Variants in GPER1 observed in about 807,000 individuals in gnomAD.
GPER1 encodes G protein-coupled receptor 30.
A neutral mutation model predicts 0.6 loss-of-function variants in GPER1; 2 were observed. The observed-to-expected ratio is 3.41, with a 90% confidence interval of 1.39 to 10.72. The LOEUF is 10.72. GPER1 is among the 30% of genes most tolerant of loss of function. The pLI is 0.04. For synonymous variants in GPER1, 263 were observed against 247.6 expected (o/e 1.06, Z -0.58); for missense variants, 441 against 535.2 (o/e 0.82, Z 1.74).
In GPER1 at chr7:1,091,748, C is replaced by A. The variant is rs1185069759; in HGVS notation, c.20C>A (p.Ala7Asp). The A allele has an allele frequency of 6.5e-7, 1 of 1,534,712 alleles. No homozygotes were observed. Among genetic ancestry groups the A allele is most frequent in the South Asian group, 1.3e-5 (1 of 78,190 alleles). The change falls in exon 2 of 2, where the codon GCC becomes GAC. Residue 7 changes from alanine (A) to aspartate (D), a missense_variant. Ala to Asp is a moderately radical substitution (Grantham distance 126, BLOSUM62 -2). Coordinates refer to ENST00000397088, the MANE Select transcript of GPER1 (RefSeq NM_001098201.3). ...AGAGACATGGATGTGACTTCCCAAG[C>A]CCGGGGCGTGGGCCTGGAGATGTAC... MDVTSQARGVGLEMYPG... is the reference protein window; with the variant it reads MDVTSQDRGVGLEMYPG...
At chr7:1,089,775 T>C (rs60066142) in intron 1 of GPER1, among the ~76,000 whole-genome samples, 5,595 of 150,658 alleles carry the variant, frequency 0.037, 368 homozygotes, top group African/African-American at 0.13. Flanking sequence ...AGTCTGGTTT[T>C]GCAGCACTTC....
At position 1,092,211 on chromosome 7, in the gene GPER1, G is replaced by T; in HGVS notation, c.483G>T (p.Arg161Ser). The change falls in exon 2 of 2, where the codon AGG (arginine) becomes AGT (serine). Residue 161 changes from arginine to serine, a missense_variant. Arg to Ser is a moderately radical substitution (Grantham distance 110). Transcript: ENST00000397088. Reference sequence around the variant, plus strand: ...TCGACCGCTACATCGCCCTGGCCAGGGCCATGCGCTGCAGCCTGTTCCGCA... The same window carrying T: ...TCGACCGCTACATCGCCCTGGCCAGTGCCATGCGCTGCAGCCTGTTCCGCA... ...MSFDRYIALA[R>S]AMRCSLFRTK... The T allele has an allele frequency of 6.2e-7, 1 of 1,612,994 alleles. No homozygotes were observed. Among genetic ancestry groups the T allele is most frequent in the Non-Finnish European group, 8.5e-7 (1 of 1,180,038 alleles).
rs1788040196 is a variant in GPER1, at chr7:1,092,027, A to G, written c.299A>G (p.Asn100Ser). Reference sequence around the variant, plus strand: ...ACCATCCCCGACCTGTACTTCATCAACCTGGCGGTGGCGGACCTCATCCTG... The same window carrying G: ...ACCATCCCCGACCTGTACTTCATCAGCCTGGCGGTGGCGGACCTCATCCTG... ...KMTIPDLYFINLAVADLILVA... is the reference protein window; with the variant it reads ...KMTIPDLYFISLAVADLILVA... The change falls in exon 2 of 2, where the codon AAC becomes AGC. Residue 100 changes from asparagine to serine, a missense_variant. Asn to Ser is a conservative substitution (Grantham distance 46, BLOSUM62 1). Coordinates refer to ENST00000397088, the MANE Select transcript of GPER1 (RefSeq NM_001098201.3). 15 of 1,613,838 alleles carry G rather than the reference A, an allele frequency of 9.3e-6. No individual in the cohort carries two copies. Among genetic ancestry groups the G allele is most frequent in the African/African-American group, 4.0e-5 (3 of 74,910 alleles).
rs747021854 is a variant in GPER1, at chr7:1,092,130, G to T, written c.402G>T (p.Ser134=). 1.9e-6 allele frequency: 3 copies of T among 1,613,576 alleles called. No individual in the cohort carries two copies. Among genetic ancestry groups the T allele is most frequent in the Non-Finnish European group, 2.5e-6 (3 of 1,180,036 alleles). ...YDIAVLCTFM[S]LFLQVNMYSS... is the part of the protein sequence containing the mutation. ...TCGCCGTCCTGTGCACCTTCATGTCGCTCTTCCTGCAGGTCAACATGTACA... is the reference window on the plus strand; with the variant it reads ...TCGCCGTCCTGTGCACCTTCATGTCTCTCTTCCTGCAGGTCAACATGTACA... The change falls in exon 2 of 2, where the codon TCG becomes TCT. Residue 134 remains serine (S), a synonymous_variant. Transcript: ENST00000397088.
In GPER1 at chr7:1,093,139, C is replaced by T. The variant is rs982195204; in HGVS notation, c.*283C>T. On this transcript the variant is annotated 3_prime_UTR_variant, in exon 2 of 2. Transcript: ENST00000397088. ...TGACCAGCCTGTCACCCAGCTCCTCCCCGCCAACCCTGCCTGCCGCTGCAC... is the reference window on the plus strand; with the variant it reads ...TGACCAGCCTGTCACCCAGCTCCTCTCCGCCAACCCTGCCTGCCGCTGCAC... 10 of 623,424 alleles carry T rather than the reference C, an allele frequency of 1.6e-5. No individual in the cohort carries two copies. Among genetic ancestry groups the T allele is most frequent in the South Asian group, 1.4e-4 (9 of 65,958 alleles). 38.6% of individuals were successfully genotyped at this position (623,424 alleles called of 1,614,324 possible). A position where few individuals can be genotyped will look rare whatever the true frequency, so the allele number is the denominator to read the frequency against.
chr7:1,089,886 A>C (rs929699562), intron 1 of GPER1, among the ~76,000 whole-genome samples: 6 of 151,774 alleles, frequency 4.0e-5, no homozygotes, highest in African/African-American at 1.5e-4. Context: ...AGTTCGATAC[A>C]AGCCTGGGCA....
rs1787627374 is a variant in GPER1 at position 1,088,586 on chromosome 7, C to T, written c.-323+265C>T. Among the ~76,000 whole-genome samples the T allele has an allele frequency of 6.6e-6, 1 of 152,200 alleles. No homozygotes were observed. Among genetic ancestry groups the T allele is most frequent in the African/African-American group, 2.4e-5 (1 of 41,452 alleles). ...CTGAAAGCAGGACCCAGTATTCCGTCACGTTCTGTCCCAGCAAGAACGTGT... is the reference window on the plus strand; with the variant it reads ...CTGAAAGCAGGACCCAGTATTCCGTTACGTTCTGTCCCAGCAAGAACGTGT... On this transcript the variant is annotated intron_variant, in intron 1 of 1. Coordinates refer to ENST00000397088, the MANE Select transcript of GPER1 (RefSeq NM_001098201.3). This position sits in a 1 kb window ranked among gnomAD's most constrained non-coding sequence, Gnocchi z 4.5.
At position 1,091,472 on chromosome 7, in the gene GPER1, G is replaced by A. The variant is rs1045646466; in HGVS notation, c.-257G>A. On this transcript the variant is annotated 5_prime_UTR_variant, in exon 2 of 2. Coordinates refer to ENST00000397088, the MANE Select transcript of GPER1 (RefSeq NM_001098201.3). Reference sequence around the variant, plus strand: ...GTGGCCGACACCCGCAGGGACGCCCGCCGGACGAGCACGCGGAGGGCCCTC... The same window carrying A: ...GTGGCCGACACCCGCAGGGACGCCCACCGGACGAGCACGCGGAGGGCCCTC... 2.2e-4 allele frequency: 102 copies of A among 461,098 alleles called. 1 individual carries two copies. Among genetic ancestry groups the A allele is most frequent in the Non-Finnish European group, 3.4e-4 (89 of 260,612 alleles). 28.6% of individuals were successfully genotyped at this position (461,098 alleles called of 1,614,324 possible).
intron 1 of GPER1, among the ~76,000 whole-genome samples, chr7:1,090,460 G>A (rs1473386564): frequency 1.3e-5 from 2 of 151,656 alleles, no homozygotes; most frequent in African/African-American, 4.9e-5. Context: ...TCGCAGCAGG[G>A]CCAGGGTGAC....
In GPER1 at chr7:1,092,199, C is replaced by T. The variant is rs767737379; in HGVS notation, c.471C>T (p.Ile157=). ...FLTWMSFDRY[I]ALARAMRCSL... is the part of the protein sequence containing the mutation. ...CCTGGATGAGCTTCGACCGCTACAT[C>T]GCCCTGGCCAGGGCCATGCGCTGCA... Residue 157 remains isoleucine (I), a synonymous_variant, in exon 2 of 2, where the codon ATC becomes ATT. Coordinates refer to ENST00000397088, the MANE Select transcript of GPER1 (RefSeq NM_001098201.3). The T allele has an allele frequency of 5.3e-5, 85 of 1,613,046 alleles. No individual in the cohort carries two copies. Among genetic ancestry groups the T allele is most frequent in the Admixed American group, 5.0e-4 (30 of 60,016 alleles).
At position 1,092,294 on chromosome 7, in the gene GPER1, C is replaced by T. The variant is rs147112257; in HGVS notation, c.566C>T (p.Thr189Met). Reference sequence around the variant, plus strand: ...ATCTGGATGGCATCCGTGTCAGCCACGCTGGTGCCCTTCACCGCCGTGCAC... The same window carrying T: ...ATCTGGATGGCATCCGTGTCAGCCATGCTGGTGCCCTTCACCGCCGTGCAC... ...GLIWMASVSATLVPFTAVHLQ... is the reference protein window; with the variant it reads ...GLIWMASVSAMLVPFTAVHLQ... The change falls in exon 2 of 2, where the codon ACG (threonine) becomes ATG (methionine). Residue 189 changes from threonine (T) to methionine (M), a missense_variant. Physicochemically the swap from Thr to Met is moderately conservative, Grantham distance 81 (BLOSUM62 -1). Coordinates refer to ENST00000397088, the MANE Select transcript of GPER1 (RefSeq NM_001098201.3). 10 of 1,611,666 alleles carry T rather than the reference C, an allele frequency of 6.2e-6. No individual in the cohort carries two copies. The highest frequency in any genetic ancestry group is 1.7e-5 in the Admixed American group (1 of 59,948).
At position 1,091,547 on chromosome 7, in the gene GPER1, T is replaced by A. The variant is rs1172948862; in HGVS notation, c.-182T>A. On this transcript the variant is annotated 5_prime_UTR_variant, in exon 2 of 2. Transcript: ENST00000397088. ...TGTGAGGAGCATCTGTTCTTCCCAC[T>A]CTCTGCAGTTAACAAACCCAACCCA... 1 of 599,242 alleles carries A rather than the reference T, an allele frequency of 1.7e-6. No individual in the cohort carries two copies. Among genetic ancestry groups the A allele is most frequent in the African/African-American group, 1.9e-5 (1 of 53,992 alleles). The allele number at this position is 599,242 out of a possible 1,614,324, so 37.1% of individuals were successfully genotyped here.
At position 1,091,643 on chromosome 7, in the gene GPER1, C is replaced by T. The variant is rs1488400729; in HGVS notation, c.-86C>T. ...GCCAGGCTCACTTCAAGGAGAATCA[C>T]GCTTCTTTCTAAAGATGGATTCACC... On this transcript the variant is annotated 5_prime_UTR_variant, in exon 2 of 2. The change creates a new upstream start codon in the 5' untranslated region. Transcript: ENST00000397088. The T allele has an allele frequency of 1.3e-5, 13 of 1,009,704 alleles. No homozygotes were observed. Among genetic ancestry groups the T allele is most frequent in the South Asian group, 6.4e-5 (4 of 62,452 alleles). The allele number at this position is 1,009,704 out of a possible 1,614,324, so 62.5% of individuals were successfully genotyped here. A position where few individuals can be genotyped will look rare whatever the true frequency, so the allele number is the denominator to read the frequency against.
In GPER1 at chr7:1,092,974, C is replaced by T; in HGVS notation, c.*118C>T. The T allele has an allele frequency of 4.2e-6, 4 of 951,468 alleles. No homozygotes were observed. Among genetic ancestry groups the T allele is most frequent in the Non-Finnish European group, 6.7e-6 (4 of 599,298 alleles). The allele number at this position is 951,468 out of a possible 1,614,324, so 58.9% of individuals were successfully genotyped here. On this transcript the variant is annotated 3_prime_UTR_variant, in exon 2 of 2. Coordinates refer to ENST00000397088, the MANE Select transcript of GPER1 (RefSeq NM_001098201.3). ...CTGCGGTCAGATGTGGCTTCTGGCT[C>T]CTCGGGGCCTCGCGAGGGTCACGCT...
chr7:1,090,281 T>C (rs980611830), intron 1 of GPER1, among the ~76,000 whole-genome samples: 1 of 152,094 alleles, frequency 6.6e-6, no homozygotes, highest in African/African-American at 2.4e-5. Flanking sequence ...AGCACCCCCC[T>C]GTGACTGCCC....
At position 1,093,477 on chromosome 7, in the gene GPER1, G is replaced by C. The variant is rs1583801502; in HGVS notation, c.*621G>C. The C allele has an allele frequency of 8.5e-6, 4 of 469,746 alleles. No individual in the cohort carries two copies. In the Admixed American group the frequency reaches 9.4e-5, roughly 11 times the overall value. 29.1% of individuals were successfully genotyped at this position (469,746 alleles called of 1,614,324 possible). A position where few individuals can be genotyped will look rare whatever the true frequency, so the allele number is the denominator to read the frequency against. On this transcript the variant is annotated 3_prime_UTR_variant, in exon 2 of 2. Coordinates refer to ENST00000397088, the MANE Select transcript of GPER1 (RefSeq NM_001098201.3). Reference sequence around the variant, plus strand: ...GCAATGGCGCTGTGCGGCCTCACCAGGCCCACGAGGAGCAGCAGCGCTCGG... The same window carrying C: ...GCAATGGCGCTGTGCGGCCTCACCACGCCCACGAGGAGCAGCAGCGCTCGG...
intron 1 of GPER1, among the ~76,000 whole-genome samples, chr7:1,089,391 C>T (rs1394134586): frequency 1.3e-5 from 2 of 152,046 alleles, no homozygotes; most frequent in Admixed American, 6.5e-5. Flanking sequence ...GGCCTCACTG[C>T]AGTAGCTCAG....
intron 1 of GPER1, among the ~76,000 whole-genome samples, chr7:1,090,973 C>G (rs1787917569): frequency 6.6e-6 from 1 of 151,958 alleles, no homozygotes; most frequent in Non-Finnish European, 1.5e-5. Context: ...TGGACCCACT[C>G]TCTCTCTCTC....
chr7:1,093,531 G>A lies in GPER1; in HGVS notation c.*675G>A, dbSNP rs1325761311. ...GGAGCAGCAGGAAGGCCCCTCTGTG[G>A]AGCGCCCGCCGTCTGCTCCGGGGTG... On this transcript the variant is annotated 3_prime_UTR_variant, in exon 2 of 2. Coordinates refer to ENST00000397088, the MANE Select transcript of GPER1 (RefSeq NM_001098201.3). The A allele has an allele frequency of 6.4e-6, 3 of 470,996 alleles. No homozygotes were observed. The highest frequency in any genetic ancestry group is 1.5e-5 in the South Asian group (1 of 64,576). The allele number at this position is 470,996 out of a possible 1,614,324, so 29.2% of individuals were successfully genotyped here.
Sources: gnomAD v4.1 joint callset for allele counts (sites outside exome capture counted in the v4.1 genomes callset) on GRCh38, gnomAD v4.1.1 for gene constraint, Gnocchi (gnomAD v3.1) non-coding constraint, MANE v1.5 for transcripts, NCBI Gene and HGNC (gene_info 2026-07-23, HGNC 2026-07-21) for gene names.